The following PABPC4L variants were observed in gnomAD, a reference collection of about 807,000 sequenced individuals.
PABPC4L encodes the protein poly(A) binding protein cytoplasmic 4 like.
For synonymous variants in PABPC4L, 169 were observed against 164.1 expected, an observed-to-expected ratio of 1.03 and a Z score of -0.23; for missense variants, 452 against 451.4, an observed-to-expected ratio of 1.00 and a Z score of -0.01.
At position 134,200,480 on chromosome 4, in the gene PABPC4L, A is replaced by G; in HGVS notation, c.540T>C (p.Ala180=). Reference sequence around the variant, plus strand: ...ATTCACTGGCTTTGCTTCTGAGTTCAGCTTCACGATCTTTTCGGTTTTTGA... The same window carrying G: ...ATTCACTGGCTTTGCTTCTGAGTTCGGCTTCACGATCTTTTCGGTTTTTGA... ...GRFKNRKDRE[A]ELRSKASEFT... Residue 180 remains alanine (A), a synonymous_variant, in exon 2 of 2, where the codon GCT becomes GCC. Coordinates refer to ENST00000421491, the MANE Select transcript of PABPC4L (RefSeq NM_001114734.2). 1.3e-6 allele frequency: 2 copies of G among 1,551,700 alleles called. No individual in the cohort carries two copies. The highest frequency in any genetic ancestry group is 1.2e-5 in the South Asian group (1 of 84,064).
the PABPC4L span, among the ~76,000 whole-genome samples, chr4:134,151,023 A>G: frequency 3.7e-4 from 56 of 152,230 alleles, no homozygotes; most frequent in Non-Finnish European, 7.3e-4. Context: ...AAGTGACTGA[A>G]GTCAGACCCA....
chr4:133,950,370 C>T, the PABPC4L span, among the ~76,000 whole-genome samples: 2 of 152,088 alleles, frequency 1.3e-5, no homozygotes, highest in Admixed American at 6.6e-5. Flanking sequence ...GGTCTTAACC[C>T]GGGAGGTTTT....
the PABPC4L span, among the ~76,000 whole-genome samples, chr4:134,152,710 T>A: frequency 6.6e-6 from 1 of 152,202 alleles, no homozygotes; most frequent in Non-Finnish European, 1.5e-5. Flanking sequence ...CCTCCTTTGG[T>A]ACAGATTTAC....
At chr4:134,163,608 A>C in the PABPC4L span, among the ~76,000 whole-genome samples, 1 of 152,178 alleles carries the variant, frequency 6.6e-6, no homozygotes, top group African/African-American at 2.4e-5. Context: ...TCAACAATAT[A>C]CTAGCAAACT....
At chr4:134,017,256 C>T in the PABPC4L span, among the ~76,000 whole-genome samples, 36 of 152,106 alleles carry the variant, frequency 2.4e-4, no homozygotes, top group African/African-American at 8.2e-4. Context: ...CTACACAATA[C>T]TTTTATCACT....
At chr4:134,031,780 C>A in the PABPC4L span, among the ~76,000 whole-genome samples, 1 of 151,846 alleles carries the variant, frequency 6.6e-6, no homozygotes. Context: ...TCTGCCCCTT[C>A]CCTCTAAAAT....
At chr4:134,012,907 G>C in the PABPC4L span, among the ~76,000 whole-genome samples, 1 of 152,006 alleles carries the variant, frequency 6.6e-6, no homozygotes, top group Non-Finnish European at 1.5e-5. Flanking sequence ...AGAAACAAAG[G>C]AGACACGTTT....
At chr4:133,995,459 C>G in the PABPC4L span, among the ~76,000 whole-genome samples, 2 of 152,112 alleles carry the variant, frequency 1.3e-5, no homozygotes, top group African/African-American at 4.8e-5. Context: ...TGCTGGCAGT[C>G]AATGTTAGTG....
the PABPC4L span, among the ~76,000 whole-genome samples, chr4:134,116,549 T>A: frequency 6.6e-6 from 1 of 151,940 alleles, no homozygotes; most frequent in East Asian, 1.9e-4. Context: ...CAACTGAAAT[T>A]TAAGTTTATG....
At chr4:134,177,816 C>T in the PABPC4L span, among the ~76,000 whole-genome samples, 1 of 152,062 alleles carries the variant, frequency 6.6e-6, no homozygotes, top group African/African-American at 2.4e-5. Flanking sequence ...ATGAACTCAG[C>T]TGATGAATGC....
At chr4:134,087,869 T>G in the PABPC4L span, among the ~76,000 whole-genome samples, 1 of 152,130 alleles carries the variant, frequency 6.6e-6, no homozygotes, top group African/African-American at 2.4e-5. Context: ...AAGGCTTCTA[T>G]GGCAATGGGA....
the PABPC4L span, among the ~76,000 whole-genome samples, chr4:134,044,892 C>G: frequency 1.7e-3 from 254 of 151,952 alleles, 4 homozygotes; most frequent in Non-Finnish European, 1.5e-5. Flanking sequence ...TTGTTTTAAC[C>G]TAAAGAACTA....
rs1729698956 is a variant in PABPC4L at position 134,197,485 on chromosome 4, T to TG, written c.*2421_*2422insC. ...CATCAAAGCCATTTCAGTAGAATAC[T>TG]AAAACTTTCCAGCTTAACATTCAAT... On this transcript the variant is annotated 3_prime_UTR_variant, in exon 2 of 2. Transcript: ENST00000421491. The TG allele has an allele frequency of 6.6e-6, 1 of 151,720 alleles. No homozygotes were observed. Among genetic ancestry groups the TG allele is most frequent in the East Asian group, 1.9e-4 (1 of 5,190 alleles). The allele number at this position is 151,720 out of a possible 1,614,324, so 9.4% of individuals were successfully genotyped here. A position where few individuals can be genotyped will look rare whatever the true frequency, so the allele number is the denominator to read the frequency against.
At chr4:134,016,458 G>C in the PABPC4L span, among the ~76,000 whole-genome samples, 1 of 152,274 alleles carries the variant, frequency 6.6e-6, no homozygotes, top group African/African-American at 2.4e-5. Flanking sequence ...GGCATCAGAT[G>C]CCATCGCTCA....
At chr4:133,983,580 G>A in the PABPC4L span, among the ~76,000 whole-genome samples, 1 of 151,796 alleles carries the variant, frequency 6.6e-6, no homozygotes, top group Non-Finnish European at 1.5e-5. Context: ...ATAAGTAGTA[G>A]CATTTAATAA....
the PABPC4L span, among the ~76,000 whole-genome samples, chr4:134,107,362 C>T: frequency 6.6e-6 from 1 of 151,250 alleles, no homozygotes; most frequent in Non-Finnish European, 1.5e-5. Context: ...ATTACATTTA[C>T]CTTATTAATT....
chr4:133,978,813 G>T, the PABPC4L span: 1 of 152,134 alleles, frequency 6.6e-6, no homozygotes, highest in African/African-American at 2.4e-5. Context: ...AAATTGCAGA[G>T]ATTTTATAAT....
the PABPC4L span, among the ~76,000 whole-genome samples, chr4:134,047,758 G>A: frequency 6.6e-6 from 1 of 152,018 alleles, no homozygotes; most frequent in African/African-American, 2.4e-5. Context: ...GCCTGAGGTA[G>A]GCAGGCTGCA....
rs74446611 is a variant in PABPC4L at position 134,200,574 on chromosome 4, G to A, written c.446C>T (p.Ala149Val). 1.3e-3 allele frequency: 2,033 copies of A among 1,551,624 alleles called. 21 individuals carry two copies. In the African/African-American group the frequency reaches 0.023, roughly 18 times the overall value. ...CATCTCCTCAATGGCCCTGTCTGCA[G>A]CACTCTGGTTCTGAAAGTGCACAAA... ...YAFVHFQNQS[A>V]ADRAIEEMNG... The change falls in exon 2 of 2, where the codon GCT becomes GTT. Residue 149 changes from alanine to valine, a missense_variant. Physicochemically the swap from Ala to Val is moderately conservative, Grantham distance 64 (BLOSUM62 0). Transcript: ENST00000421491.
Sources: allele counts gnomAD v4.1 joint callset (sites outside exome capture counted in the v4.1 genomes callset), GRCh38; gene constraint gnomAD v4.1.1; transcripts MANE v1.5; gene names NCBI Gene and HGNC (gene_info 2026-07-23, HGNC 2026-07-21).